Variants in ACSF3 observed in about 807,000 individuals in gnomAD.
The protein encoded by ACSF3 is acyl-CoA synthetase family member 3.
ACSF3 carries 78 observed loss-of-function variants against 53.2 expected under a neutral mutation model. The observed-to-expected ratio is 1.47, with a 90% CI of 1.22 to 1.77. The LOEUF (loss-of-function observed/expected upper bound fraction) is 1.77, where lower values mean the gene tolerates loss of function less well. Among genes scored for constraint, ACSF3 ranks in the 40% most tolerant of loss-of-function variants. ACSF3 has a pLI of 0.00. For synonymous variants in ACSF3, 414 were observed against 333.1 expected (o/e 1.24, Z -2.65); for missense variants, 937 against 771.1 (o/e 1.22, Z -2.55).
chr16:89,135,449 A>T (rs1910237968), intron 8 of ACSF3, among the ~76,000 whole-genome samples: 1 of 152,240 alleles, frequency 6.6e-6, no homozygotes, highest in Non-Finnish European at 1.5e-5. Context: ...AGCAGAGGCC[A>T]GTGCCCCACG....
Position 89,154,654 on chromosome 16 carries a change from TAGG to T in ACSF3, c.*451_*453del. Reference sequence around the variant, plus strand: ...CAGAGCCAGTGTCTCCCGGCCCACATAGGAGGTCTGGGCAGCCACCCAGGGGGC... The same window carrying T: ...CAGAGCCAGTGTCTCCCGGCCCACATAGGTCTGGGCAGCCACCCAGGGGGC... On this transcript the variant is annotated 3_prime_UTR_variant, in exon 11 of 11. Coordinates refer to ENST00000614302, the MANE Select transcript of ACSF3 (RefSeq NM_001243279.3). 1 of 454,134 alleles carries T rather than the reference TAGG, an allele frequency of 2.2e-6. No homozygotes were observed. Among genetic ancestry groups the T allele is most frequent in the South Asian group, 1.6e-5 (1 of 64,364 alleles). The allele number at this position is 454,134 out of a possible 1,614,324, so 28.1% of individuals were successfully genotyped here. A position where few individuals can be genotyped will look rare whatever the true frequency, so the allele number is the denominator to read the frequency against.
chr16:89,144,991 A>G (rs1372339000), intron 8 of ACSF3, among the ~76,000 whole-genome samples: 1 of 152,210 alleles, frequency 6.6e-6, no homozygotes, highest in Non-Finnish European at 1.5e-5. Context: ...GAGGAAGTGC[A>G]TACAGCTGAG....
chr16:89,121,583 T>A (rs1906664123), intron 7 of ACSF3, among the ~76,000 whole-genome samples: 1 of 152,212 alleles, frequency 6.6e-6, no homozygotes, highest in Non-Finnish European at 1.5e-5. Context: ...GAATCTTGAT[T>A]TAAAAGGAAA....
intron 8 of ACSF3, among the ~76,000 whole-genome samples, chr16:89,134,270 C>T (rs577526211): frequency 3.3e-5 from 5 of 152,146 alleles, no homozygotes; most frequent in South Asian, 2.1e-4. Flanking sequence ...TTGGGCCATG[C>T]GGTAAGTGTT....
intron 6 of ACSF3, among the ~76,000 whole-genome samples, chr16:89,118,558 C>T (rs1567709231): frequency 1.6e-5 from 1 of 62,872 alleles, no homozygotes; most frequent in African/African-American, 4.5e-5. Context: ...TGTCCGTGCT[C>T]GGAAGAGAGA....
At chr16:89,141,320 C>T (rs780274235) in intron 8 of ACSF3, 28 of 1,282,296 alleles carry the variant, frequency 2.2e-5, no homozygotes, top group Admixed American at 1.1e-4. Flanking sequence ...AGGGAGATGT[C>T]GACCCTCGGA....
chr16:89,111,168 T>C (rs1436033312), intron 4 of ACSF3, among the ~76,000 whole-genome samples: 1 of 152,276 alleles, frequency 6.6e-6, no homozygotes, highest in African/African-American at 2.4e-5. Flanking sequence ...TTGGATTTCC[T>C]GAGACTTCTT....
intron 6 of ACSF3, chr16:89,115,365 C>T (rs1055092166): frequency 6.6e-6 from 1 of 152,324 alleles, no homozygotes; most frequent in Admixed American, 6.5e-5. Flanking sequence ...GTTCCTGTTT[C>T]TCTTCTTGTG....
At chr16:89,107,305 G>A (rs1020116902) in intron 4 of ACSF3, among the ~76,000 whole-genome samples, 1 of 152,108 alleles carries the variant, frequency 6.6e-6, no homozygotes, top group East Asian at 1.9e-4. Context: ...ACCGTCCTTC[G>A]TGTCTTTCAC....
chr16:89,107,776 T>C (rs1284029422), intron 4 of ACSF3, among the ~76,000 whole-genome samples: 1 of 152,200 alleles, frequency 6.6e-6, no homozygotes. Context: ...CAGTGGAAAC[T>C]GCGGAAGAGT....
At chr16:89,112,539 CTCTCTCCA>C (rs1470406142) in intron 5 of ACSF3, among the ~76,000 whole-genome samples, 3 of 152,250 alleles carry the variant, frequency 2.0e-5, no homozygotes, top group Non-Finnish European at 2.9e-5. Context: ...CTTTGTCTCT[CTCTCTCCA>C]TCTCTCCATC....
chr16:89,095,027 C>G (rs1356278716), intron 1 of ACSF3, among the ~76,000 whole-genome samples: 2 of 152,216 alleles, frequency 1.3e-5, no homozygotes, highest in African/African-American at 4.8e-5. Flanking sequence ...TTGTTGCTTT[C>G]CCATCCTGGG....
rs1377489224 is a variant in ACSF3, at chr16:89,154,173, A to G, written c.1697A>G (p.Lys566Arg). 1.2e-6 allele frequency: 2 copies of G among 1,613,696 alleles called. No homozygotes were observed. The highest frequency in any genetic ancestry group is 1.1e-5 in the South Asian group (1 of 90,926). Residue 566 changes from lysine (K) to arginine (R), a missense_variant, in exon 11 of 11, where the codon AAG becomes AGG. Physicochemically the swap from Lys to Arg is conservative, Grantham distance 26. Coordinates refer to ENST00000614302, the MANE Select transcript of ACSF3 (RefSeq NM_001243279.3). ...IPRNQMGKID[K>R]KALIRHFHPS ...CGGAACCAGATGGGCAAGATTGACA[A>G]GAAGGCGCTCATCAGGCACTTCCAC...
rs922047767 is a variant in ACSF3, at chr16:89,155,669, C to A, written c.*1462C>A. The A allele has an allele frequency of 2.2e-6, 1 of 454,154 alleles. No individual in the cohort carries two copies. The highest frequency in any genetic ancestry group is 6.9e-4 in the Middle Eastern group (1 of 1,444). 28.1% of individuals were successfully genotyped at this position (454,154 alleles called of 1,614,324 possible). A position where few individuals can be genotyped will look rare whatever the true frequency, so the allele number is the denominator to read the frequency against. On this transcript the variant is annotated 3_prime_UTR_variant, in exon 11 of 11. Transcript: ENST00000614302. The stretch of plus-strand genomic sequence containing the variant: ...CGGCAGTCAGAGACTACAGTCCAGA[C>A]GTTTGTGTCTAGGCCTTGCTGGTAG...
intron 7 of ACSF3, among the ~76,000 whole-genome samples, chr16:89,130,647 C>A (rs1400526937): frequency 6.6e-6 from 1 of 152,128 alleles, no homozygotes; most frequent in Non-Finnish European, 1.5e-5. Context: ...TCAGTGGGCG[C>A]AGGAACCCTT....
intron 8 of ACSF3, among the ~76,000 whole-genome samples, chr16:89,137,861 A>T (rs1051932633): frequency 2.6e-5 from 4 of 152,168 alleles, no homozygotes; most frequent in African/African-American, 9.7e-5. Flanking sequence ...ACTGCCGGGC[A>T]CTAGCTTACT....
At position 89,154,111 on chromosome 16, in the gene ACSF3, G is replaced by A. The variant is rs1015935500; in HGVS notation, c.1635G>A (p.Ala545=). 17 of 1,612,902 alleles carry A rather than the reference G, an allele frequency of 1.1e-5. No homozygotes were observed. The highest frequency in any genetic ancestry group is 6.7e-5 in the African/African-American group (5 of 74,888). ...GCAGAAATGTCCTGGCCCCGTACGC[G>A]GTGCCCTCGGAGCTGGTGCTGGTGG... The part of the protein sequence containing the change: ...EWARNVLAPY[A]VPSELVLVEE... The change falls in exon 11 of 11, where the codon GCG becomes GCA. Residue 545 remains alanine (A), a synonymous_variant. Coordinates refer to ENST00000614302, the MANE Select transcript of ACSF3 (RefSeq NM_001243279.3).
At position 89,154,284 on chromosome 16, in the gene ACSF3, C is replaced by G. The variant is rs749803884; in HGVS notation, c.*77C>G. On this transcript the variant is annotated 3_prime_UTR_variant, in exon 11 of 11. Transcript: ENST00000614302. ...ACACCGAGAACCACGGGGGCCCGTC[C>G]AAGACCTGGCCTCCCTTAAACCTGA... 2.2e-6 allele frequency: 3 copies of G among 1,360,322 alleles called. No individual in the cohort carries two copies. Among genetic ancestry groups the G allele is most frequent in the South Asian group, 1.2e-5 (1 of 83,850 alleles). The allele number at this position is 1,360,322 out of a possible 1,614,324, so 84.3% of individuals were successfully genotyped here. A position where few individuals can be genotyped will look rare whatever the true frequency, so the allele number is the denominator to read the frequency against.
At chr16:89,133,065 A>G in intron 7 of ACSF3, 71 bp from the exon 8 acceptor site, 1 of 1,608,382 alleles carries the variant, frequency 6.2e-7, no homozygotes, top group Admixed American at 1.7e-5. Context: ...GGAGCAGCCC[A>G]CAGTTTCAGA....
Sources: allele counts gnomAD v4.1 joint callset (sites outside exome capture counted in the v4.1 genomes callset), GRCh38; gene constraint gnomAD v4.1.1; transcripts MANE v1.5; gene names NCBI Gene and HGNC (gene_info 2026-07-23, HGNC 2026-07-21).